The following MCMDC2 variants were observed in gnomAD, a reference collection of about 807,000 sequenced individuals.
The protein encoded by MCMDC2 is minichromosome maintenance domain containing 2, also known as minichromosome maintenance domain-containing protein 2.
A neutral mutation model predicts 75.8 loss-of-function variants in MCMDC2; 54 were observed. That is an observed-to-expected ratio of 0.71 (90% confidence interval 0.57 to 0.89). MCMDC2 has a LOEUF of 0.89. Among genes scored for constraint, MCMDC2 ranks in the 40% least tolerant of loss-of-function variants. The probability of loss-of-function intolerance (pLI) is 0.00; values close to 1 mark genes in which losing one functional copy is unlikely to be tolerated. For missense variants in MCMDC2, 656 were observed against 780.4 expected (o/e 0.84, Z 1.90); for synonymous variants, 249 against 274.6 (o/e 0.91, Z 0.92).
intron 14 of MCMDC2, among the ~76,000 whole-genome samples, chr8:66,915,590 A>C (rs1813284207): frequency 6.7e-6 from 1 of 149,806 alleles, no homozygotes; most frequent in Non-Finnish European, 1.5e-5. Flanking sequence ...TAAGCAGTGG[A>C]GGAAAAGTGT....
At chr8:66,925,579 G>C (rs1813696735), downstream of MCMDC2, 1 of 152,270 alleles carries the variant, frequency 6.6e-6, no homozygotes, top group African/African-American at 2.4e-5. Flanking sequence ...AGGCACTCCG[G>C]TGGCCCCGCC....
intron 1 of MCMDC2, among the ~76,000 whole-genome samples, chr8:66,871,269 A>G (rs543714894): frequency 1.3e-5 from 2 of 152,132 alleles, no homozygotes; most frequent in South Asian, 2.1e-4. Context: ...GCTTACATCT[A>G]TCAGGGAATC....
intron 9 of MCMDC2, among the ~76,000 whole-genome samples, chr8:66,885,611 TG>T (rs146167849): frequency 0.02 from 3,014 of 152,268 alleles, 85 homozygotes; most frequent in African/African-American, 0.067. Context: ...GAGATTGGTT[TG>T]TTTTTTTCTT....
At chr8:66,874,689 C>A in intron 4 of MCMDC2, 103 bp downstream of exon 4, 1 of 1,037,058 alleles carries the variant, frequency 9.6e-7, no homozygotes, top group Admixed American at 2.9e-5. Flanking sequence ...AAGGATACTA[C>A]TTTTTTTCAA....
chr8:66,893,458 A>C (rs1812205237), intron 10 of MCMDC2, among the ~76,000 whole-genome samples: 1 of 152,246 alleles, frequency 6.6e-6, no homozygotes, highest in African/African-American at 2.4e-5. Flanking sequence ...TTAGACTTAC[A>C]GTTCCACATG....
At chr8:66,925,428 C>G (rs1418960426), downstream of MCMDC2, 1 of 152,554 alleles carries the variant, frequency 6.6e-6, no homozygotes, top group African/African-American at 2.4e-5. Context: ...AGACCGCGAT[C>G]ACTCTCACCT....
chr8:66,919,197 TACTTAAGCAGTGGAGA>T lies in MCMDC2; in HGVS notation c.*30_*45del, dbSNP rs1813430176. ...AATTTGAGGAATTTTTGTTCATTCC[TACTTAAGCAGTGGAGA>T]AAAAGTGTGACTATTTTGAGAGTGA... On this transcript the variant is annotated 3_prime_UTR_variant, in exon 15 of 15. Coordinates refer to ENST00000422365, the MANE Select transcript of MCMDC2 (RefSeq NM_173518.5). 6.6e-7 allele frequency: 1 copy of T among 1,519,258 alleles called. No homozygotes were observed. 94.1% of individuals were successfully genotyped at this position (1,519,258 alleles called of 1,614,324 possible).
At chr8:66,883,469 C>A (rs1339482505) in intron 8 of MCMDC2, among the ~76,000 whole-genome samples, 2 of 152,178 alleles carry the variant, frequency 1.3e-5, no homozygotes, top group East Asian at 3.9e-4. Flanking sequence ...GGTAAACTAG[C>A]ATGACCTCGA....
chr8:66,924,409 G>T (rs1024675902), downstream of MCMDC2, among the ~76,000 whole-genome samples: 5 of 151,946 alleles, frequency 3.3e-5, no homozygotes, highest in African/African-American at 7.3e-5. Context: ...GGTGGATCAC[G>T]AGTGGTCAGG....
intron 14 of MCMDC2, among the ~76,000 whole-genome samples, chr8:66,918,195 T>C (rs1322631168): frequency 6.6e-6 from 1 of 152,242 alleles, no homozygotes; most frequent in African/African-American, 2.4e-5. Flanking sequence ...GTCATTTGTT[T>C]TTCTTTAGAG....
chr8:66,902,274 C>A (rs1001714843), intron 13 of MCMDC2, among the ~76,000 whole-genome samples: 1 of 151,202 alleles, frequency 6.6e-6, no homozygotes, highest in African/African-American at 2.4e-5. Flanking sequence ...GCCTGTAGTC[C>A]CAGCTACTCA....
Position 66,919,242 on chromosome 8 carries a change from T to C in MCMDC2, c.*73T>C, listed in dbSNP as rs1813431583. 2.6e-5 allele frequency: 31 copies of C among 1,196,294 alleles called. No individual in the cohort carries two copies. The highest frequency in any genetic ancestry group is 3.5e-5 in the Non-Finnish European group (30 of 858,692). 74.1% of individuals were successfully genotyped at this position (1,196,294 alleles called of 1,614,324 possible). On this transcript the variant is annotated 3_prime_UTR_variant, in exon 15 of 15. Coordinates refer to ENST00000422365, the MANE Select transcript of MCMDC2 (RefSeq NM_173518.5). ...AGTGTGACTATTTTGAGAGTGACTT[T>C]GAAGTAATGCTTTGATAATACTCTG...
chr8:66,883,863 C>T lies in MCMDC2; in HGVS notation c.942C>T (p.Thr314=). 6.2e-7 allele frequency: 1 copy of T among 1,613,850 alleles called. No homozygotes were observed. The highest frequency in any genetic ancestry group is 1.3e-5 in the African/African-American group (1 of 75,000). The change falls in exon 9 of 15, where the codon ACC becomes ACT. Residue 314 remains threonine, a synonymous_variant. Coordinates refer to ENST00000422365, the MANE Select transcript of MCMDC2 (RefSeq NM_173518.5). Reference sequence around the variant, plus strand: ...CCAATATCTTTGCATCACAAATTACCCCTCCTGGGACTTACAATTTGCTCA... The same window carrying T: ...CCAATATCTTTGCATCACAAATTACTCCTCCTGGGACTTACAATTTGCTCA... The part of the protein sequence containing the change: ...ILANIFASQI[T]PPGTYNLLKL...
chr8:66,887,909 A>G (rs1811920211), intron 9 of MCMDC2, among the ~76,000 whole-genome samples: 1 of 152,176 alleles, frequency 6.6e-6, no homozygotes, highest in African/African-American at 2.4e-5. Context: ...AATCTATTTG[A>G]ACTCTCTTTT....
chr8:66,898,453 C>T (rs747865982), intron 12 of MCMDC2, among the ~76,000 whole-genome samples: 1 of 151,570 alleles, frequency 6.6e-6, no homozygotes, highest in African/African-American at 2.4e-5. Flanking sequence ...GGAGTAACCC[C>T]GTCTCTACTA....
chr8:66,901,234 T>C lies in MCMDC2; in HGVS notation c.1655T>C (p.Val552Ala). ...KLLAFAKNLN[V>A]EFSLEAERMT... ...TTGGCTTTTGCAAAGAATTTGAATG[T>C]AGAATTCAGCTTGGAAGCAGAAAGA... Residue 552 changes from valine to alanine, a missense_variant, in exon 13 of 15, where the codon GTA becomes GCA. By Grantham distance (64) the Val-to-Ala change is moderately conservative. Coordinates refer to ENST00000422365, the MANE Select transcript of MCMDC2 (RefSeq NM_173518.5). 6.2e-7 allele frequency: 1 copy of C among 1,613,840 alleles called. No individual in the cohort carries two copies. Among genetic ancestry groups the C allele is most frequent in the Non-Finnish European group, 8.5e-7 (1 of 1,179,918 alleles).
At chr8:66,873,920 C>A in intron 1 of MCMDC2, 133 bp from the exon 2 acceptor site, 1 of 376,300 alleles carries the variant, frequency 2.7e-6, no homozygotes, top group South Asian at 1.0e-4. Context: ...CAAAAGAAAA[C>A]AAAAGTTTTG....
At position 66,891,060 on chromosome 8, in the gene MCMDC2, G is replaced by T. The variant is rs138135862; in HGVS notation, c.1269G>T (p.Gln423His). ...LASHKKDKLEQLQTVLESRSI... is the reference protein window; with the variant it reads ...LASHKKDKLEHLQTVLESRSI... ...CACACAAAAAAGATAAACTTGAACAGCTTCAAACAGGTAAACAATATTTTT... is the reference window on the plus strand; with the variant it reads ...CACACAAAAAAGATAAACTTGAACATCTTCAAACAGGTAAACAATATTTTT... Residue 423 changes from glutamine to histidine, a missense_variant, in exon 10 of 15, where the codon CAG (glutamine) becomes CAT (histidine). Transcript: ENST00000422365. The T allele has an allele frequency of 2.5e-6, 4 of 1,592,900 alleles. No individual in the cohort carries two copies. The highest frequency in any genetic ancestry group is 3.8e-5 in the Admixed American group (2 of 52,366).
chr8:66,893,815 A>C (rs1812222893), intron 10 of MCMDC2, among the ~76,000 whole-genome samples: 1 of 151,946 alleles, frequency 6.6e-6, no homozygotes. Context: ...TCATCAAAGG[A>C]TGGTGGAACA....
Sources: gnomAD v4.1 joint callset for allele counts (sites outside exome capture counted in the v4.1 genomes callset) on GRCh38, gnomAD v4.1.1 for gene constraint, MANE v1.5 for transcripts, NCBI Gene and HGNC (gene_info 2026-07-23, HGNC 2026-07-21) for gene names.